The following RALGPS1 variants were observed in gnomAD, a reference collection of about 807,000 sequenced individuals.
The protein encoded by RALGPS1 is Ral GEF with PH domain and SH3 binding motif 1.
RALGPS1 carries 19 observed loss-of-function variants against 78.8 expected under a neutral mutation model. The observed-to-expected ratio is 0.24, with a 90% CI of 0.17 to 0.35. The LOEUF is 0.35. Among genes scored for constraint, RALGPS1 ranks in the 10% least tolerant of loss-of-function variants. The pLI, the probability that RALGPS1 is intolerant of heterozygous loss-of-function variation, is 1.00. For synonymous variants in RALGPS1, 228 were observed against 256.3 expected (o/e 0.89, Z 1.06); for missense variants, 454 against 688.3 (o/e 0.66, Z 3.81).
chr9:127,214,644 C>G, intron 17 of RALGPS1, 107 bp from the exon 18 acceptor site: 1 of 1,486,796 alleles, frequency 6.7e-7, no homozygotes, highest in South Asian at 1.4e-5. Flanking sequence ...CACCTGGGGC[C>G]GACCTTCCCA....
At chr9:127,129,372 A>G (rs1395265308) in intron 8 of RALGPS1, among the ~76,000 whole-genome samples, 2 of 152,326 alleles carry the variant, frequency 1.3e-5, no homozygotes, top group South Asian at 2.1e-4. Context: ...CTTCTGGAAC[A>G]TTGTCTGTGC....
chr9:127,093,907 C>G (rs2052794661), intron 8 of RALGPS1: 1 of 1,613,912 alleles, frequency 6.2e-7, no homozygotes, highest in Non-Finnish European at 8.5e-7. Flanking sequence ...CCAGGGCCTG[C>G]AGGCAGTCTC....
chr9:127,104,994 A>G (rs1185595659), intron 8 of RALGPS1, among the ~76,000 whole-genome samples: 1 of 152,158 alleles, frequency 6.6e-6, no homozygotes, highest in Non-Finnish European at 1.5e-5. Context: ...TGTTCCGTGC[A>G]GAGAGACCAT....
intron 8 of RALGPS1, among the ~76,000 whole-genome samples, chr9:127,163,136 G>C (rs2059114434): frequency 6.6e-6 from 1 of 152,144 alleles, no homozygotes; most frequent in Admixed American, 6.5e-5. Context: ...TGAGCCAGCT[G>C]GGCCGAAGTC....
chr9:127,045,807 C>G (rs937390967), intron 5 of RALGPS1, among the ~76,000 whole-genome samples: 1 of 151,198 alleles, frequency 6.6e-6, no homozygotes, highest in South Asian at 2.1e-4. Flanking sequence ...AATTTCTTGG[C>G]TCTGCCAGCT....
At chr9:126,952,740 T>C (rs1029673129) in intron 1 of RALGPS1, among the ~76,000 whole-genome samples, 1 of 151,974 alleles carries the variant, frequency 6.6e-6, no homozygotes. Flanking sequence ...TGCACACGTG[T>C]ACACTTACTG....
At chr9:127,047,102 T>C (rs2047869407) in intron 5 of RALGPS1, among the ~76,000 whole-genome samples, 1 of 152,170 alleles carries the variant, frequency 6.6e-6, no homozygotes, top group Non-Finnish European at 1.5e-5. Flanking sequence ...TTTTTTTACA[T>C]ATACTTTTGA....
intron 8 of RALGPS1, among the ~76,000 whole-genome samples, chr9:127,132,989 C>T (rs907102049): frequency 6.6e-6 from 1 of 152,228 alleles, no homozygotes; most frequent in African/African-American, 2.4e-5. Context: ...TTATTCATGT[C>T]ACTTCTCTAT....
intron 7 of RALGPS1, among the ~76,000 whole-genome samples, chr9:127,064,456 C>T (rs1033076908): frequency 2.6e-5 from 4 of 152,166 alleles, no homozygotes; most frequent in Non-Finnish European, 4.4e-5. Flanking sequence ...ATTACATGCA[C>T]GTGAATTTTA....
At chr9:127,092,940 C>T (rs1241213713) in intron 8 of RALGPS1, among the ~76,000 whole-genome samples, 2 of 152,134 alleles carry the variant, frequency 1.3e-5, no homozygotes, top group African/African-American at 4.8e-5. Context: ...GTGTCAGAGG[C>T]CTCAGCTGCA....
chr9:126,940,057 TC>T (rs1169328976), intron 1 of RALGPS1, among the ~76,000 whole-genome samples: 2 of 152,168 alleles, frequency 1.3e-5, no homozygotes, highest in African/African-American at 2.4e-5. Context: ...TGGCTACTCA[TC>T]CAAGCCAGTG....
chr9:127,138,016 A>G lies in RALGPS1; in HGVS notation c.611-28053A>G, dbSNP rs148764771. Reference sequence around the variant, plus strand: ...TCCTTCAAGTATAAAGTGGCTGATTATCACAAAGGAGCAGCCAAGGACCTA... The same window carrying G: ...TCCTTCAAGTATAAAGTGGCTGATTGTCACAAAGGAGCAGCCAAGGACCTA... On this transcript the variant is annotated intron_variant, in intron 8 of 18. Transcript: ENST00000259351. Among the ~76,000 whole-genome samples, 1,470 of 152,330 alleles carry G rather than the reference A, an allele frequency of 9.7e-3. 89 individuals are homozygous for G. The highest frequency in any genetic ancestry group is 2.1e-3 in the Non-Finnish European group (145 of 68,038).
intron 3 of RALGPS1, among the ~76,000 whole-genome samples, chr9:126,973,065 A>G (rs1168650079): frequency 2.0e-5 from 3 of 152,086 alleles, no homozygotes; most frequent in Non-Finnish European, 4.4e-5. Context: ...CCATCTCAAA[A>G]CAAACAAAAA....
chr9:127,178,229 C>T, intron 11 of RALGPS1: 2 of 391,404 alleles, frequency 5.1e-6, no homozygotes, highest in Non-Finnish European at 9.2e-6. Context: ...GCCACCAGAG[C>T]CTTTCATTGG....
intron 7 of RALGPS1, among the ~76,000 whole-genome samples, chr9:127,061,205 A>T (rs2049185986): frequency 6.6e-6 from 1 of 152,228 alleles, no homozygotes; most frequent in African/African-American, 2.4e-5. Context: ...CTAAAAAACA[A>T]ACCATACACC....
At chr9:127,156,994 G>T (rs1180609486) in intron 8 of RALGPS1, among the ~76,000 whole-genome samples, 1 of 151,806 alleles carries the variant, frequency 6.6e-6, no homozygotes, top group African/African-American at 2.4e-5. Flanking sequence ...TTTTCCTATT[G>T]ATTTGAAATA....
chr9:127,118,898 C>A (rs1589591837), intron 8 of RALGPS1, among the ~76,000 whole-genome samples: 1 of 152,188 alleles, frequency 6.6e-6, no homozygotes, highest in African/African-American at 2.4e-5. Flanking sequence ...ATTGCCATCT[C>A]CCTGATGTTT....
chr9:126,951,876 A>G (rs913553715), intron 1 of RALGPS1, among the ~76,000 whole-genome samples: 1 of 152,192 alleles, frequency 6.6e-6, no homozygotes, highest in African/African-American at 2.4e-5. Context: ...GAGGAAGTCA[A>G]ATTGTCCCTG....
intron 11 of RALGPS1, among the ~76,000 whole-genome samples, chr9:127,186,006 A>C (rs2060620430): frequency 6.6e-6 from 1 of 152,178 alleles, no homozygotes; most frequent in Non-Finnish European, 1.5e-5. Context: ...CAGGTGGTGG[A>C]CCAGGCCTGT....
Sources: gnomAD v4.1 joint callset for allele counts (sites outside exome capture counted in the v4.1 genomes callset) on GRCh38, gnomAD v4.1.1 for gene constraint, MANE v1.5 for transcripts, NCBI Gene and HGNC (gene_info 2026-07-23, HGNC 2026-07-21) for gene names.